PFKFB3: variants seen among roughly 807,000 people sequenced by gnomAD.
PFKFB3 encodes 6-phosphofructo-2-kinase/fructose-2,6-bisphosphatase 3.
PFKFB3 carries 33 observed loss-of-function variants against 68.0 expected under a neutral mutation model. That is an observed-to-expected ratio of 0.49 (90% CI 0.37 to 0.65). PFKFB3 has a LOEUF of 0.65. Among genes scored for constraint, PFKFB3 ranks in the 30% least tolerant of loss-of-function variants. PFKFB3 has a pLI of 0.00. For synonymous variants in PFKFB3, 315 were observed against 288.2 expected (o/e 1.09, Z -0.94); for missense variants, 586 against 712.2 (o/e 0.82, Z 2.02).
chr10:6,187,546 C>T (rs184676345), intron 1 of PFKFB3, among the ~76,000 whole-genome samples: 2 of 152,328 alleles, frequency 1.3e-5, no homozygotes, highest in East Asian at 1.9e-4. Context: ...CTACAAATTA[C>T]TCATTTCACG....
chr10:6,200,278 T>C (rs1301168024), upstream of PFKFB3, among the ~76,000 whole-genome samples: 1 of 152,140 alleles, frequency 6.6e-6, no homozygotes, highest in Non-Finnish European at 1.5e-5. Context: ...AGAATCATCG[T>C]ATTAGAGGAA....
At chr10:6,199,658 A>ATTTTTTTTTTTTTTTTTTTTTTTT (rs143309528), upstream of PFKFB3, among the ~76,000 whole-genome samples, 4 of 75,596 alleles carry the variant, frequency 5.3e-5, no homozygotes, top group East Asian at 4.0e-4. Flanking sequence ...CTATTTTTAA[A>ATTTTTTTTTTTTTTTTTTTTTTTT]TTTTTTTTTT....
chr10:6,251,879 A>C (rs1012979173), intron 14 of PFKFB3, among the ~76,000 whole-genome samples: 27 of 152,168 alleles, frequency 1.8e-4, no homozygotes, highest in Non-Finnish European at 4.4e-5. Flanking sequence ...GAGCCAGGAG[A>C]ATCACTTGAA....
intron 1 of PFKFB3, among the ~76,000 whole-genome samples, chr10:6,159,160 G>A (rs1210601786): frequency 1.3e-5 from 2 of 151,450 alleles, no homozygotes; most frequent in Admixed American, 1.3e-4. Context: ...TTTGAGAGAC[G>A]GAGGTAGGCA....
the PFKFB3 span, among the ~76,000 whole-genome samples, chr10:6,283,068 C>T: frequency 1.3e-5 from 2 of 152,170 alleles, no homozygotes; most frequent in East Asian, 1.9e-4. Context: ...CAGGTTCAAG[C>T]GATTCTCCTG....
At chr10:6,145,521 C>CG (rs1218117402) in intron 1 of PFKFB3, among the ~76,000 whole-genome samples, 1 of 152,132 alleles carries the variant, frequency 6.6e-6, no homozygotes, top group Non-Finnish European at 1.5e-5. Flanking sequence ...CGGAGGGCGG[C>CG]GGGGCCCGGG....
In PFKFB3 at chr10:6,192,125, A is replaced by G. The variant is rs550971255; in HGVS notation, c.17-21498A>G. On this transcript the variant is annotated intron_variant, in intron 1 of 14. Coordinates refer to the PFKFB3 transcript ENST00000379789. ...CTCCTTGATTTACCCAGCAGAGTCA[A>G]TGACATTCCCCAATACACACACACA... Among the ~76,000 whole-genome samples the G allele has an allele frequency of 5.1e-5, 7 of 137,548 alleles. No individual in the cohort carries two copies. In the East Asian group the frequency reaches 1.5e-3, roughly 30 times the overall value. The allele number at this position is 137,548 out of a possible 152,430, so 90.2% of individuals were successfully genotyped here.
At chr10:6,287,649 C>T in the PFKFB3 span, among the ~76,000 whole-genome samples, 1 of 152,126 alleles carries the variant, frequency 6.6e-6, no homozygotes, top group African/African-American at 2.4e-5. Context: ...CAGAATACGT[C>T]CCTGCCATTA....
intron 5 of PFKFB3, 148 bp downstream of exon 5, chr10:6,216,928 T>C (rs1844626074): frequency 2.5e-6 from 2 of 808,450 alleles, no homozygotes; most frequent in East Asian, 2.5e-5. Flanking sequence ...GCCCACGTTT[T>C]GTGGCCTTAA....
chr10:6,241,717 C>T (rs1846143590), intron 14 of PFKFB3, among the ~76,000 whole-genome samples: 1 of 152,150 alleles, frequency 6.6e-6, no homozygotes, highest in South Asian at 2.1e-4. Context: ...TGTAAATATC[C>T]TGTTTCTCCT....
the PFKFB3 span, among the ~76,000 whole-genome samples, chr10:6,299,268 G>T: frequency 2.0e-5 from 3 of 152,144 alleles, no homozygotes; most frequent in Non-Finnish European, 2.9e-5. Flanking sequence ...TGCTCTAGAC[G>T]AACCAGCTTC....
At chr10:6,187,198 T>TAAAAA (rs770875957) in intron 1 of PFKFB3, among the ~76,000 whole-genome samples, 56,937 of 140,862 alleles carry the variant, frequency 0.4, 12,932 homozygotes, top group Non-Finnish European at 0.54. Flanking sequence ...CTGTTTCTAC[T>TAAAAA]AAAAAAAAAA....
intron 1 of PFKFB3, among the ~76,000 whole-genome samples, chr10:6,176,267 ATGGGTTCCCT>A (rs1470831180): frequency 6.6e-6 from 1 of 151,910 alleles, no homozygotes; most frequent in Non-Finnish European, 1.5e-5. Flanking sequence ...ATGTCAAGAC[ATGGGTTCCCT>A]TGAGGTGGTG....
At chr10:6,205,940 A>G (rs929238107) in intron 1 of PFKFB3, among the ~76,000 whole-genome samples, 2 of 151,548 alleles carry the variant, frequency 1.3e-5, no homozygotes, top group Non-Finnish European at 2.9e-5. Context: ...CGGGACTATA[A>G]GTGTGCACCA....
chr10:6,317,151 T>G, the PFKFB3 span, among the ~76,000 whole-genome samples: 8 of 152,276 alleles, frequency 5.3e-5, no homozygotes, highest in Non-Finnish European at 7.4e-5. Context: ...GATTTGACTC[T>G]CCACCTGCAC....
chr10:6,322,640 T>C, the PFKFB3 span, among the ~76,000 whole-genome samples: 1 of 152,248 alleles, frequency 6.6e-6, no homozygotes, highest in African/African-American at 2.4e-5. Context: ...GTAACACTGA[T>C]GTCCTTTTCA....
At chr10:6,191,846 C>A (rs1252382708) in intron 1 of PFKFB3, among the ~76,000 whole-genome samples, 1 of 152,092 alleles carries the variant, frequency 6.6e-6, no homozygotes, top group South Asian at 2.1e-4. Flanking sequence ...CCTGTCACAG[C>A]CTTGTTCCTT....
intron 10 of PFKFB3, among the ~76,000 whole-genome samples, chr10:6,222,509 C>CCCGGCCCAGCCCCGGCA (rs1367297244): frequency 2.0e-5 from 3 of 152,256 alleles, no homozygotes; most frequent in Non-Finnish European, 4.4e-5. Context: ...CTCCCGCCTG[C>CCCGGCCCAGCCCCGGCA]CCGGCCCAGC....
intron 1 of PFKFB3, among the ~76,000 whole-genome samples, chr10:6,165,254 G>A (rs1336695676): frequency 6.6e-6 from 1 of 152,190 alleles, no homozygotes; most frequent in Non-Finnish European, 1.5e-5. Context: ...TTGTTAACAA[G>A]GCACATCCTG....
Sources: gnomAD v4.1 joint callset for allele counts (sites outside exome capture counted in the v4.1 genomes callset) on GRCh38, gnomAD v4.1.1 for gene constraint, MANE v1.5 for transcripts, NCBI Gene and HGNC (gene_info 2026-07-23, HGNC 2026-07-21) for gene names.